Variants in SMIM36 observed in about 807,000 individuals in gnomAD.
SMIM36 encodes small integral membrane protein 36.
chr17:55,509,951 G>T (rs957660193), intron 1 of SMIM36, among the ~76,000 whole-genome samples: 15 of 152,190 alleles, frequency 9.9e-5, no homozygotes, highest in Non-Finnish European at 2.1e-4. Context: ...ATTGGATCAG[G>T]CCGGATTTGA....
intron 3 of SMIM36, among the ~76,000 whole-genome samples, chr17:55,477,941 G>A (rs1199656936): frequency 2.0e-5 from 3 of 151,734 alleles, no homozygotes; most frequent in Non-Finnish European, 4.4e-5. Context: ...TACCAAGGAA[G>A]CTGGGAAAGT....
chr17:55,484,326 A>C (rs1256805156), intron 1 of SMIM36, among the ~76,000 whole-genome samples: 5 of 152,228 alleles, frequency 3.3e-5, no homozygotes, highest in African/African-American at 7.2e-5. Context: ...AGTTCTTTAC[A>C]AAAAAATTCT....
intron 1 of SMIM36, among the ~76,000 whole-genome samples, chr17:55,502,113 T>A (rs371974334): frequency 4.0e-5 from 6 of 151,004 alleles, no homozygotes; most frequent in Non-Finnish European, 8.9e-5. Flanking sequence ...CAGCAGTCTG[T>A]GATCAAACTG....
intron 4 of SMIM36, among the ~76,000 whole-genome samples, chr17:55,463,664 A>G (rs1263113980): frequency 6.6e-6 from 1 of 152,186 alleles, no homozygotes; most frequent in Non-Finnish European, 1.5e-5. Flanking sequence ...AGGGTAGACA[A>G]ATATAATAGG....
At chr17:55,495,998 A>G (rs1296830364) in intron 1 of SMIM36, among the ~76,000 whole-genome samples, 1 of 152,156 alleles carries the variant, frequency 6.6e-6, no homozygotes, top group Non-Finnish European at 1.5e-5. Flanking sequence ...TCATGTGTAT[A>G]ATGACTGCTG....
intron 1 of SMIM36, among the ~76,000 whole-genome samples, chr17:55,496,037 T>A (rs1259850767): frequency 6.6e-6 from 1 of 152,216 alleles, no homozygotes; most frequent in Non-Finnish European, 1.5e-5. Flanking sequence ...CAAAATTCTA[T>A]AATCATTTTT....
At chr17:55,495,488 T>A (rs1909792045) in intron 1 of SMIM36, among the ~76,000 whole-genome samples, 1 of 152,208 alleles carries the variant, frequency 6.6e-6, no homozygotes, top group Non-Finnish European at 1.5e-5. Flanking sequence ...AAACAGTGCT[T>A]ATTTATAAAA....
intron 2 of SMIM36, among the ~76,000 whole-genome samples, chr17:55,479,086 G>A (rs1376979127): frequency 6.6e-6 from 1 of 152,206 alleles, no homozygotes; most frequent in Non-Finnish European, 1.5e-5. Flanking sequence ...CAGGCATTGA[G>A]TCAGCTGCAG....
At chr17:55,498,864 T>A (rs1043472293) in intron 1 of SMIM36, among the ~76,000 whole-genome samples, 1 of 151,418 alleles carries the variant, frequency 6.6e-6, no homozygotes, top group African/African-American at 2.4e-5. Flanking sequence ...GCCTGCATGG[T>A]GGCATGCACT....
At chr17:55,463,070 C>A (rs1469002010) in intron 4 of SMIM36, among the ~76,000 whole-genome samples, 1 of 152,126 alleles carries the variant, frequency 6.6e-6, no homozygotes, top group Non-Finnish European at 1.5e-5. Flanking sequence ...TCCACATGAT[C>A]CTCCAGGCTA....
chr17:55,458,945 G>C lies in SMIM36; in HGVS notation c.*531+8200C>G, dbSNP rs189518768. Among the ~76,000 whole-genome samples, 770 of 152,310 alleles carry C rather than the reference G, an allele frequency of 5.1e-3. 5 individuals are homozygous for C. The highest frequency in any genetic ancestry group is 0.018 in the African/African-American group (734 of 41,564). ...GGTACAGAAATCCCTCTGTCCTTGT[G>C]ATAAGGAAGAGGGTCTAATTGAGCT... On this transcript the variant is annotated intron_variant, in intron 4 of 4. Transcript: ENST00000636752.
the SMIM36 span, among the ~76,000 whole-genome samples, chr17:55,522,604 T>C: frequency 6.6e-6 from 1 of 152,200 alleles, no homozygotes; most frequent in Non-Finnish European, 1.5e-5. Flanking sequence ...TGGGGCAAAC[T>C]GCCCCTGTGA....
intron 1 of SMIM36, among the ~76,000 whole-genome samples, chr17:55,496,865 C>T (rs1039655357): frequency 1.3e-5 from 2 of 152,172 alleles, no homozygotes; most frequent in South Asian, 4.1e-4. Flanking sequence ...TCCCTGGATT[C>T]TGCTGATCCC....
At chr17:55,528,446 G>T in the SMIM36 span, among the ~76,000 whole-genome samples, 1 of 151,940 alleles carries the variant, frequency 6.6e-6, no homozygotes, top group African/African-American at 2.4e-5. Context: ...CAAGCTCCTG[G>T]TCTCCAGTGA....
rs142817473 is a variant in SMIM36 at position 55,474,477 on chromosome 17, G to A, written c.*347+4285C>T. On this transcript the variant is annotated intron_variant, in intron 3 of 4. Coordinates refer to ENST00000636752, the Ensembl canonical transcript of SMIM36. ...GAACACCAGGAAGGAACTGGCACTT[G>A]GAGTCCGGACATCTGTAACTTGGTA... 6.6e-5 allele frequency among the ~76,000 whole-genome samples: 10 copies of A among 152,300 alleles called. No homozygotes were observed. In the East Asian group the frequency reaches 1.9e-3, roughly 29 times the overall value.
intron 1 of SMIM36, among the ~76,000 whole-genome samples, chr17:55,480,727 T>C (rs543428713): frequency 6.6e-6 from 1 of 152,324 alleles, no homozygotes; most frequent in Admixed American, 6.5e-5. Context: ...TAATTTTCTT[T>C]CAGTTTCCCC....
chr17:55,518,813 G>A, the SMIM36 span, among the ~76,000 whole-genome samples: 2 of 151,200 alleles, frequency 1.3e-5, no homozygotes, highest in Non-Finnish European at 2.9e-5. Flanking sequence ...AGTTGTATGA[G>A]AGAGAAAAGG....
chr17:55,513,058 C>A (rs1236533365), upstream of SMIM36, among the ~76,000 whole-genome samples: 1 of 152,148 alleles, frequency 6.6e-6, no homozygotes, highest in Non-Finnish European at 1.5e-5. Context: ...CCAGAAGATG[C>A]ATGATTCTGA....
intron 1 of SMIM36, among the ~76,000 whole-genome samples, chr17:55,490,813 T>C (rs1429205398): frequency 6.6e-6 from 1 of 152,138 alleles, no homozygotes; most frequent in Non-Finnish European, 1.5e-5. Flanking sequence ...GTAAAATATA[T>C]ACTTAGAACA....
Sources: allele counts gnomAD v4.1 joint callset (sites outside exome capture counted in the v4.1 genomes callset), GRCh38; gene constraint gnomAD v4.1.1; transcripts MANE v1.5; gene names NCBI Gene and HGNC (gene_info 2026-07-23, HGNC 2026-07-21).